NIBAN1: variants seen among roughly 807,000 people sequenced by gnomAD.
The protein encoded by NIBAN1 is niban apoptosis regulator 1, also known as protein Niban 1.
A neutral mutation model predicts 75.1 loss-of-function variants in NIBAN1; 81 were observed. The observed-to-expected ratio is 1.08, with a 90% CI of 0.90 to 1.30. NIBAN1 has a LOEUF of 1.30. Among genes scored for constraint, NIBAN1 ranks in the 50% most tolerant of loss-of-function variants. The probability of loss-of-function intolerance (pLI) is 0.00; values close to 1 mark genes in which losing one functional copy is unlikely to be tolerated. For synonymous variants in NIBAN1, 436 were observed against 424.8 expected (o/e 1.03, Z -0.32); for missense variants, 1,133 against 1,128.1 (o/e 1.00, Z -0.06).
chr1:184,947,388 G>T (rs1658256938), intron 1 of NIBAN1, among the ~76,000 whole-genome samples: 1 of 152,208 alleles, frequency 6.6e-6, no homozygotes, highest in African/African-American at 2.4e-5. Context: ...GGGTCTGGGA[G>T]GAGAAGGAAT....
chr1:184,884,590 C>A, intron 5 of NIBAN1, 43 bp downstream of exon 5: 1 of 1,608,048 alleles, frequency 6.2e-7, no homozygotes. Flanking sequence ...GCGAGGGCTG[C>A]CCCACTTCCC....
intron 2 of NIBAN1, among the ~76,000 whole-genome samples, chr1:184,898,774 G>C (rs1377352696): frequency 6.6e-6 from 1 of 152,172 alleles, no homozygotes; most frequent in Non-Finnish European, 1.5e-5. Context: ...CTATAGCCTA[G>C]CACATAGTAG....
chr1:184,834,543 G>T (rs1306296149), intron 5 of NIBAN1, among the ~76,000 whole-genome samples: 2 of 152,062 alleles, frequency 1.3e-5, no homozygotes, highest in Non-Finnish European at 2.9e-5. Context: ...TTTAGTGATC[G>T]CCATTCTAAC....
At chr1:184,868,364 G>A (rs1039706815) in intron 5 of NIBAN1, 4 of 152,064 alleles carry the variant, frequency 2.6e-5, no homozygotes, top group Admixed American at 2.6e-4. Flanking sequence ...AAAAAATAAA[G>A]GCTAAGTACT....
chr1:184,918,520 C>A (rs1657450414), intron 1 of NIBAN1, among the ~76,000 whole-genome samples: 1 of 152,158 alleles, frequency 6.6e-6, no homozygotes, highest in African/African-American at 2.4e-5. Flanking sequence ...ATGGCACGTT[C>A]CCCACAGTGG....
rs1316789889 is a variant in NIBAN1, at chr1:184,798,158, T to G, written c.1587A>C (p.Ala529=). 2.5e-6 allele frequency: 4 copies of G among 1,608,370 alleles called. No homozygotes were observed. The highest frequency in any genetic ancestry group is 3.4e-6 in the Non-Finnish European group (4 of 1,175,624). Residue 529 remains alanine (A), a synonymous_variant, in exon 13 of 14, where the codon GCA becomes GCC. Transcript: ENST00000367511. ...ELQKYEQFIF[A]DHTNMIHVEN... is the part of the protein sequence containing the mutation. The stretch of plus-strand genomic sequence containing the variant: ...CAACGTGAATCATATTGGTATGATC[T>G]GCAAAGATGAACTGCTCGTATTTCT...
At chr1:184,896,936 G>T (rs1266573586) in intron 2 of NIBAN1, among the ~76,000 whole-genome samples, 2 of 152,152 alleles carry the variant, frequency 1.3e-5, no homozygotes, top group African/African-American at 4.8e-5. Context: ...TGCTGATTTA[G>T]TTAGTATAGC....
At chr1:184,810,164 GA>G (rs1654334192) in intron 9 of NIBAN1, among the ~76,000 whole-genome samples, 1 of 152,118 alleles carries the variant, frequency 6.6e-6, no homozygotes, top group Non-Finnish European at 1.5e-5. Context: ...AAGAATAAAG[GA>G]AAAGAAATAG....
At chr1:184,971,274 C>G (rs1658929643) in intron 1 of NIBAN1, among the ~76,000 whole-genome samples, 1 of 151,900 alleles carries the variant, frequency 6.6e-6, no homozygotes, top group Non-Finnish European at 1.5e-5. Flanking sequence ...GAGACCCTAT[C>G]TCAGAAAACT....
chr1:184,796,859 A>G (rs1653887538), intron 13 of NIBAN1, among the ~76,000 whole-genome samples: 1 of 152,242 alleles, frequency 6.6e-6, no homozygotes, highest in Non-Finnish European at 1.5e-5. Flanking sequence ...TCTAACAGAC[A>G]GCAATAAAGT....
intron 1 of NIBAN1, among the ~76,000 whole-genome samples, chr1:184,950,478 G>C (rs1381771108): frequency 6.6e-6 from 1 of 152,166 alleles, no homozygotes; most frequent in African/African-American, 2.4e-5. Context: ...TAGGTAAAAA[G>C]ATGAATTGCT....
intron 1 of NIBAN1, among the ~76,000 whole-genome samples, chr1:184,913,884 T>C (rs1467777643): frequency 1.3e-5 from 2 of 152,232 alleles, no homozygotes; most frequent in Non-Finnish European, 2.9e-5. Flanking sequence ...CAGCCATGGA[T>C]GCAAATCTGG....
chr1:184,871,227 AT>A lies in NIBAN1; in HGVS notation c.601+13405del, dbSNP rs1196127250. Among the ~76,000 whole-genome samples, 4 of 151,946 alleles carry A rather than the reference AT, an allele frequency of 2.6e-5. No homozygotes were observed. The East Asian group carries it at 7.8e-4, about 29-fold the overall frequency. On this transcript the variant is annotated intron_variant, in intron 5 of 13. Coordinates refer to ENST00000367511, the MANE Select transcript of NIBAN1 (RefSeq NM_052966.4). Reference sequence around the variant, plus strand: ...CCAAGCATGGTGGTGTGTGCCTGTAATCCCAGCTGCTTGGGAGGCTGAGGCT... The same window carrying A: ...CCAAGCATGGTGGTGTGTGCCTGTAACCCAGCTGCTTGGGAGGCTGAGGCT...
intron 6 of NIBAN1, among the ~76,000 whole-genome samples, chr1:184,827,967 T>G (rs116162718): frequency 0.023 from 3,484 of 150,970 alleles, 154 homozygotes; most frequent in African/African-American, 0.079. Context: ...TTTGTTTTTT[T>G]TTTTTTTTTC....
chr1:184,866,327 A>G (rs1238940463), intron 5 of NIBAN1, among the ~76,000 whole-genome samples: 1 of 152,212 alleles, frequency 6.6e-6, no homozygotes, highest in Admixed American at 6.5e-5. Context: ...TGGAAATGAC[A>G]TTTAACCTAA....
intron 1 of NIBAN1, among the ~76,000 whole-genome samples, chr1:184,902,171 T>C (rs968279176): frequency 6.6e-6 from 1 of 151,940 alleles, no homozygotes; most frequent in African/African-American, 2.4e-5. Context: ...AGTTTGAGGT[T>C]GTGATGAGCT....
chr1:184,835,450 T>C (rs945917535), intron 5 of NIBAN1, among the ~76,000 whole-genome samples: 1 of 152,226 alleles, frequency 6.6e-6, no homozygotes, highest in Non-Finnish European at 1.5e-5. Context: ...GCCATTTTCA[T>C]GATATTCTTT....
chr1:184,844,656 G>T (rs1373867233), intron 5 of NIBAN1, among the ~76,000 whole-genome samples: 1 of 152,208 alleles, frequency 6.6e-6, no homozygotes, highest in Non-Finnish European at 1.5e-5. Context: ...CTAGTCCCAT[G>T]CAGATTCAGC....
At chr1:184,972,167 T>G (rs1376967862) in intron 1 of NIBAN1, among the ~76,000 whole-genome samples, 1 of 152,232 alleles carries the variant, frequency 6.6e-6, no homozygotes, top group African/African-American at 2.4e-5. Context: ...AAGAAAGTTA[T>G]TGTCTCAGCT....
Sources: gnomAD v4.1 joint callset for allele counts (sites outside exome capture counted in the v4.1 genomes callset) on GRCh38, gnomAD v4.1.1 for gene constraint, MANE v1.5 for transcripts, NCBI Gene and HGNC (gene_info 2026-07-23, HGNC 2026-07-21) for gene names.